The following SCHIP1 variants were observed in gnomAD, a reference collection of about 807,000 sequenced individuals.
SCHIP1 encodes schwannomin interacting protein 1, also known as schwannomin-interacting protein 1.
SCHIP1 carries 8 observed loss-of-function variants against 29.7 expected under a neutral mutation model. The ratio of observed to expected loss-of-function variants is 0.27; its 90% CI spans 0.16 to 0.49. The LOEUF (loss-of-function observed/expected upper bound fraction) is 0.49. Ranked by LOEUF, SCHIP1 falls within the 20% of genes least tolerant of loss-of-function variation. The probability of loss-of-function intolerance (pLI) is 0.99; values close to 1 mark genes in which losing one functional copy is unlikely to be tolerated. For missense variants in SCHIP1, 193 were observed against 294.6 expected, an observed-to-expected ratio of 0.66 and a Z score of 2.52; for synonymous variants, 76 against 94.9, an observed-to-expected ratio of 0.80 and a Z score of 1.16.
At chr3:159,785,357 A>G in the SCHIP1 span, among the ~76,000 whole-genome samples, 2 of 152,224 alleles carry the variant, frequency 1.3e-5, no homozygotes, top group African/African-American at 4.8e-5. Flanking sequence ...TAGTTTTTCT[A>G]AGAAGCATAA....
At chr3:159,764,610 T>C in the SCHIP1 span, 1 of 1,609,484 alleles carries the variant, frequency 6.2e-7, no homozygotes, top group Middle Eastern at 1.7e-4. This position sits in a 1 kb window ranked among gnomAD's most constrained non-coding sequence, Gnocchi z 6.1. Flanking sequence ...TGGAGGACTA[T>C]GAGGAGCCCT....
chr3:159,274,199 T>A, the SCHIP1 span: 1 of 984,922 alleles, frequency 1.0e-6, no homozygotes, highest in Non-Finnish European at 1.2e-6. Context: ...TATACACATG[T>A]AAATAGTTCC....
the SCHIP1 span, among the ~76,000 whole-genome samples, chr3:159,392,312 T>C: frequency 6.6e-6 from 1 of 152,154 alleles, no homozygotes; most frequent in Non-Finnish European, 1.5e-5. Flanking sequence ...GCACTCTTTT[T>C]TTCCTTTTAT....
chr3:159,458,149 A>G, the SCHIP1 span, among the ~76,000 whole-genome samples: 1 of 152,232 alleles, frequency 6.6e-6, no homozygotes, highest in Non-Finnish European at 1.5e-5. Context: ...ACATAATTGT[A>G]ATATGAAATC....
At chr3:159,494,680 G>A in the SCHIP1 span, among the ~76,000 whole-genome samples, 1 of 152,166 alleles carries the variant, frequency 6.6e-6, no homozygotes, top group East Asian at 1.9e-4. Flanking sequence ...GAGGTACAAG[G>A]AGGAGCTGGT....
At chr3:159,441,852 A>G in the SCHIP1 span, among the ~76,000 whole-genome samples, 2 of 151,718 alleles carry the variant, frequency 1.3e-5, no homozygotes, top group African/African-American at 4.8e-5. Context: ...TTCTATTATT[A>G]TTATTACTAT....
the SCHIP1 span, among the ~76,000 whole-genome samples, chr3:159,524,693 G>A: frequency 6.6e-6 from 1 of 152,182 alleles, no homozygotes; most frequent in East Asian, 1.9e-4. Context: ...GTGTAAATAA[G>A]AGACTACTGT....
the SCHIP1 span, among the ~76,000 whole-genome samples, chr3:159,608,640 A>G: frequency 6.6e-6 from 1 of 152,186 alleles, no homozygotes; most frequent in Admixed American, 6.5e-5. Context: ...TTTTTAGAGC[A>G]CTGGGATATA....
At chr3:159,596,158 CAAAAG>C in the SCHIP1 span, among the ~76,000 whole-genome samples, 5 of 152,154 alleles carry the variant, frequency 3.3e-5, no homozygotes, top group Non-Finnish European at 5.9e-5. Context: ...AGACACTTCT[CAAAAG>C]AAGACATTTA....
the SCHIP1 span, chr3:159,274,421 A>T: frequency 2.2e-6 from 2 of 916,902 alleles, no homozygotes; most frequent in Non-Finnish European, 2.6e-6. Flanking sequence ...TGAAATGTAT[A>T]GAGTGGCAGC....
chr3:159,431,006 C>T, the SCHIP1 span, among the ~76,000 whole-genome samples: 3 of 152,124 alleles, frequency 2.0e-5, no homozygotes, highest in East Asian at 1.9e-4. Context: ...GGAAGGAAAT[C>T]GACCTTAGGA....
At chr3:159,664,018 A>G in the SCHIP1 span, among the ~76,000 whole-genome samples, 2 of 152,186 alleles carry the variant, frequency 1.3e-5, no homozygotes, top group East Asian at 1.9e-4. Flanking sequence ...ATTGAACACT[A>G]TCTCATATTC....
At chr3:159,629,100 T>C in the SCHIP1 span, among the ~76,000 whole-genome samples, 2 of 151,998 alleles carry the variant, frequency 1.3e-5, no homozygotes, top group Non-Finnish European at 2.9e-5. Flanking sequence ...GCATAATATA[T>C]TCTGTATCTG....
chr3:159,454,483 G>A, the SCHIP1 span, among the ~76,000 whole-genome samples: 1 of 152,246 alleles, frequency 6.6e-6, no homozygotes, highest in East Asian at 1.9e-4. Flanking sequence ...GTCTCAGGTA[G>A]CAGAACTCAG....
At chr3:159,280,894 G>T in the SCHIP1 span, among the ~76,000 whole-genome samples, 1 of 152,162 alleles carries the variant, frequency 6.6e-6, no homozygotes, top group South Asian at 2.1e-4. Flanking sequence ...ACTCTAAATT[G>T]CTGTGCAAAC....
chr3:159,365,459 C>G, the SCHIP1 span, among the ~76,000 whole-genome samples: 23 of 152,072 alleles, frequency 1.5e-4, no homozygotes, highest in Admixed American at 1.2e-3. Flanking sequence ...TGATCACTTT[C>G]TCATACTATA....
At chr3:159,717,186 TAAC>T in the SCHIP1 span, among the ~76,000 whole-genome samples, 4 of 151,874 alleles carry the variant, frequency 2.6e-5, no homozygotes, top group African/African-American at 9.7e-5. Context: ...AAACCAATGA[TAAC>T]AAAGACACAA....
the SCHIP1 span, among the ~76,000 whole-genome samples, chr3:159,609,625 A>T: frequency 8.2e-3 from 1,246 of 152,164 alleles, 10 homozygotes; most frequent in Non-Finnish European, 0.013. Flanking sequence ...AAAGAGCCTG[A>T]TATGAGTTCC....
At chr3:159,625,537 CTCTTT>C in the SCHIP1 span, among the ~76,000 whole-genome samples, 2 of 152,038 alleles carry the variant, frequency 1.3e-5, no homozygotes, top group Non-Finnish European at 2.9e-5. Context: ...TTTTTCTCTT[CTCTTT>C]ATTTCCCTCC....
Sources: gnomAD v4.1 joint callset for allele counts (sites outside exome capture counted in the v4.1 genomes callset) on GRCh38, gnomAD v4.1.1 for gene constraint, Gnocchi (gnomAD v3.1) non-coding constraint, MANE v1.5 for transcripts, NCBI Gene and HGNC (gene_info 2026-07-23, HGNC 2026-07-21) for gene names.